The following KITLG variants were observed in gnomAD, a reference collection of about 807,000 sequenced individuals.
The protein encoded by KITLG is c-Kit ligand.
In KITLG, 13 loss-of-function variants were observed where a neutral mutation model predicts 34.1. The observed-to-expected ratio is 0.38, with a 90% CI of 0.25 to 0.61. The LOEUF is 0.61. KITLG is among the 20% of genes least tolerant of loss of function. KITLG has a pLI of 0.60. For synonymous variants in KITLG, 110 were observed against 104.0 expected (o/e 1.06, Z -0.35); for missense variants, 292 against 318.9 (o/e 0.92, Z 0.64).
chr12:88,578,342 G>A (rs1871899220), intron 1 of KITLG, among the ~76,000 whole-genome samples: 1 of 152,084 alleles, frequency 6.6e-6, no homozygotes, highest in African/African-American at 2.4e-5. Flanking sequence ...CCTACAAGCC[G>A]TTTAACATCA....
In KITLG at chr12:88,493,955, A is replaced by G. The variant is rs1328421459; in HGVS notation, c.*3264T>C. On this transcript the variant is annotated 3_prime_UTR_variant, in exon 10 of 10. Transcript: ENST00000644744. ...ATTTACATTAGAAACAAGAACAGCA[A>G]TGACTTTTTATGGTCAAGATACTTA... is the stretch of plus-strand genomic sequence containing the variant. 6.6e-6 allele frequency: 1 copy of G among 151,954 alleles called. No homozygotes were observed. The highest frequency in any genetic ancestry group is 1.5e-5 in the Non-Finnish European group (1 of 67,868). 9.4% of individuals were successfully genotyped at this position (151,954 alleles called of 1,614,324 possible).
chr12:88,505,119 T>TA lies in KITLG; in HGVS notation c.*37+39dup, dbSNP rs759435536. The TA allele has an allele frequency of 1.2e-4, 125 of 1,076,766 alleles. 1 individual carries two copies. The highest frequency in any genetic ancestry group is 1.9e-4 in the South Asian group (14 of 72,860). 66.7% of individuals were successfully genotyped at this position (1,076,766 alleles called of 1,614,324 possible). A position where few individuals can be genotyped will look rare whatever the true frequency, so the allele number is the denominator to read the frequency against. On this transcript the variant is annotated intron_variant, in intron 9 of 9. Transcript: ENST00000644744. ...ATGTACCCTAGAACTTAAAGTATAA[T>TA]AAAAAAAAGAAAAAAAAAGGAAAGA...
chr12:88,500,076 A>G (rs1384696135), intron 9 of KITLG, among the ~76,000 whole-genome samples: 1 of 152,106 alleles, frequency 6.6e-6, no homozygotes. Context: ...ACCGATGCTC[A>G]CCCTTTCTTC....
At chr12:88,500,228 AG>A (rs1194104830) in intron 9 of KITLG, among the ~76,000 whole-genome samples, 2 of 152,196 alleles carry the variant, frequency 1.3e-5, no homozygotes, top group Non-Finnish European at 2.9e-5. Flanking sequence ...CCACTTACAA[AG>A]TGAAGCTTTT....
intron 1 of KITLG, among the ~76,000 whole-genome samples, chr12:88,559,682 T>C (rs1317888556): frequency 6.6e-6 from 1 of 152,204 alleles, no homozygotes; most frequent in African/African-American, 2.4e-5. Context: ...AATTTCCCAT[T>C]AGTGTTTCAC....
intron 2 of KITLG, among the ~76,000 whole-genome samples, chr12:88,544,584 T>C (rs940921365): frequency 3.3e-5 from 5 of 151,840 alleles, no homozygotes; most frequent in Non-Finnish European, 7.4e-5. Context: ...AGCAGACAAC[T>C]CTTGCATGGC....
intron 6 of KITLG, among the ~76,000 whole-genome samples, chr12:88,512,509 T>C (rs900202578): frequency 6.6e-6 from 1 of 151,936 alleles, no homozygotes; most frequent in African/African-American, 2.4e-5. Context: ...TTTCCCCAAA[T>C]TTGAGGGAAA....
chr12:88,497,809 G>A (rs1038503964), intron 9 of KITLG, among the ~76,000 whole-genome samples: 9 of 152,136 alleles, frequency 5.9e-5, no homozygotes, highest in South Asian at 2.1e-4. Flanking sequence ...CCACTGAGCC[G>A]CTCTAGTATC....
intron 3 of KITLG, among the ~76,000 whole-genome samples, chr12:88,530,421 T>A (rs1290717903): frequency 6.6e-6 from 1 of 152,188 alleles, no homozygotes; most frequent in Non-Finnish European, 1.5e-5. Flanking sequence ...TCAGAGTTTT[T>A]CTAATCAGCC....
At chr12:88,519,318 G>T (rs1342941865) in intron 3 of KITLG, among the ~76,000 whole-genome samples, 1 of 152,054 alleles carries the variant, frequency 6.6e-6, no homozygotes, top group Non-Finnish European at 1.5e-5. Flanking sequence ...TTGTAAGTTT[G>T]CATGCTTTAT....
chr12:88,530,498 C>T (rs964824583), intron 3 of KITLG, among the ~76,000 whole-genome samples: 3 of 152,086 alleles, frequency 2.0e-5, no homozygotes, highest in Admixed American at 6.6e-5. Flanking sequence ...CATAATCCCC[C>T]CTGCCTGCCT....
chr12:88,498,895 AAG>A lies in KITLG; in HGVS notation c.*38-1716_*38-1715del, dbSNP rs201253849. Among the ~76,000 whole-genome samples, 1,061 of 151,932 alleles carry A rather than the reference AAG, an allele frequency of 7.0e-3. 17 individuals carry two copies. The highest frequency in any genetic ancestry group is 0.024 in the African/African-American group (1,011 of 41,506). ...AAGAAAGAAAGACTCTCAAGAAAGA[AAG>A]AGAGAGAGAGAGAATTAAATGTAGA... On this transcript the variant is annotated intron_variant, in intron 9 of 9. Coordinates refer to ENST00000644744, the MANE Select transcript of KITLG (RefSeq NM_000899.5).
intron 7 of KITLG, among the ~76,000 whole-genome samples, chr12:88,506,731 C>G (rs1008699865): frequency 1.3e-5 from 2 of 152,118 alleles, no homozygotes; most frequent in African/African-American, 4.8e-5. Context: ...GCAGATAATA[C>G]AAATGACATT....
intron 1 of KITLG, among the ~76,000 whole-genome samples, chr12:88,574,202 T>C (rs1871749879): frequency 6.6e-6 from 1 of 151,614 alleles, no homozygotes; most frequent in Non-Finnish European, 1.5e-5. Flanking sequence ...GAGAAATGTG[T>C]GTTCTCCTAG....
rs769039249 is a variant in KITLG at position 88,507,103 on chromosome 12, T to C, written c.639A>G (p.Leu213=). The change falls in exon 7 of 10, where the codon CTA becomes CTG. Residue 213 remains leucine, a synonymous_variant. Coordinates refer to ENST00000644744, the MANE Select transcript of KITLG (RefSeq NM_000899.5). ...KAKNPPGDSS[L]HWAAMALPAL... ...CTGGCAATGCCATGGCTGCCCAGTG[T>C]AGGCTGGAGTCTCCAGGGGGATTTT... The C allele has an allele frequency of 1.1e-5, 18 of 1,613,542 alleles. No homozygotes were observed. The highest frequency in any genetic ancestry group is 2.2e-5 in the East Asian group (1 of 44,858).
intron 3 of KITLG, 69 bp downstream of exon 3, chr12:88,532,372 T>C (rs1291185923): frequency 1.8e-6 from 2 of 1,110,812 alleles, no homozygotes; most frequent in Non-Finnish European, 2.7e-6. Context: ...TAGTGTACTA[T>C]CTCAATATGA....
rs1040824722 is a variant in KITLG, at chr12:88,495,299, T to C, written c.*1920A>G. 2.0e-5 allele frequency: 3 copies of C among 152,018 alleles called. No homozygotes were observed. Among genetic ancestry groups the C allele is most frequent in the Non-Finnish European group, 2.9e-5 (2 of 67,950 alleles). 9.4% of individuals were successfully genotyped at this position (152,018 alleles called of 1,614,324 possible). ...GATTGAGAAGTATCTATCTTCTCAA[T>C]CTATACACAACCTACACGCATAACT... On this transcript the variant is annotated 3_prime_UTR_variant, in exon 10 of 10. Coordinates refer to ENST00000644744, the MANE Select transcript of KITLG (RefSeq NM_000899.5).
intron 8 of KITLG, among the ~76,000 whole-genome samples, chr12:88,505,447 T>C (rs1869022626): frequency 1.3e-5 from 2 of 152,200 alleles, no homozygotes; most frequent in South Asian, 4.1e-4. Flanking sequence ...AAACATTTCT[T>C]TCTCTGTATA....
rs1447872868 is a variant in KITLG, at chr12:88,546,211, C to T, written c.16-346G>A. ...AACTAGAGAATGCATAAAATGTATA[C>T]CTTATGGCACCAAAAGAAACATCTT... is the stretch of plus-strand genomic sequence containing the variant. On this transcript the variant is annotated intron_variant, in intron 1 of 9. Transcript: ENST00000644744. Among the ~76,000 whole-genome samples, 5 of 152,098 alleles carry T rather than the reference C, an allele frequency of 3.3e-5. No homozygotes were observed. In the South Asian group the frequency reaches 8.3e-4, roughly 25 times the overall value.
Sources: allele counts gnomAD v4.1 joint callset (sites outside exome capture counted in the v4.1 genomes callset), GRCh38; gene constraint gnomAD v4.1.1; transcripts MANE v1.5; gene names NCBI Gene and HGNC (gene_info 2026-07-23, HGNC 2026-07-21).